The following EDIL3 variants were observed in gnomAD, a reference collection of about 807,000 sequenced individuals.
The protein encoded by EDIL3 is EGF-like repeat and discoidin I-like domain-containing protein 3.
EDIL3 carries 37 observed loss-of-function variants against 67.4 expected under a neutral mutation model. That is an observed-to-expected ratio of 0.55 (90% CI 0.42 to 0.72). The LOEUF is 0.72. Among genes scored for constraint, EDIL3 ranks in the 30% least tolerant of loss-of-function variants. The probability of loss-of-function intolerance (pLI) is 0.00; values close to 1 mark genes in which losing one functional copy is unlikely to be tolerated. For synonymous variants in EDIL3, 195 were observed against 196.3 expected, an observed-to-expected ratio of 0.99 and a Z score of 0.05; for missense variants, 527 against 586.3, an observed-to-expected ratio of 0.90 and a Z score of 1.04.
chr5:84,086,710 A>C (rs1479924242), intron 6 of EDIL3, among the ~76,000 whole-genome samples: 1 of 152,070 alleles, frequency 6.6e-6, no homozygotes, highest in Non-Finnish European at 1.5e-5. Context: ...TATTTTGCTG[A>C]CTCATATTAG....
intron 9 of EDIL3, among the ~76,000 whole-genome samples, chr5:83,977,466 T>C (rs1017904116): frequency 6.6e-6 from 1 of 151,836 alleles, no homozygotes. Flanking sequence ...AACAAAAGAA[T>C]TTGCGAAGCT....
At chr5:84,181,822 AT>A (rs573095522) in intron 3 of EDIL3, among the ~76,000 whole-genome samples, 1 of 152,284 alleles carries the variant, frequency 6.6e-6, no homozygotes, top group Non-Finnish European at 1.5e-5. Context: ...GTCTGTACTG[AT>A]TTTAATTGGA....
rs148170255 is a variant in EDIL3, at chr5:84,002,278, C to T, written c.1138-38918G>A. The stretch of plus-strand genomic sequence containing the variant: ...AATAACTGGGGATAGAAGGAACATA[C>T]CTCAACATATAATAATAAAAGCCAT... On this transcript the variant is annotated intron_variant, in intron 9 of 10. Transcript: ENST00000296591. Among the ~76,000 whole-genome samples, 354 of 151,696 alleles carry T rather than the reference C, an allele frequency of 2.3e-3. 3 individuals are homozygous for T. The highest frequency in any genetic ancestry group is 8.3e-3 in the African/African-American group (343 of 41,130).
intron 4 of EDIL3, among the ~76,000 whole-genome samples, chr5:84,139,504 A>C (rs193264863): frequency 1.3e-5 from 2 of 152,308 alleles, no homozygotes; most frequent in African/African-American, 4.8e-5. Flanking sequence ...AAATTTTGTA[A>C]GCCACATGAA....
intron 9 of EDIL3, among the ~76,000 whole-genome samples, chr5:84,029,882 T>C (rs992627150): frequency 4.6e-5 from 7 of 152,174 alleles, no homozygotes; most frequent in African/African-American, 1.7e-4. Context: ...ATAAATAAGT[T>C]TGCTAATGAT....
intron 6 of EDIL3, among the ~76,000 whole-genome samples, chr5:84,102,894 C>A (rs970097725): frequency 5.3e-5 from 8 of 151,644 alleles, no homozygotes; most frequent in Non-Finnish European, 1.0e-4. Flanking sequence ...ATAGCCAAGA[C>A]AATCCTGAAG....
intron 1 of EDIL3, among the ~76,000 whole-genome samples, chr5:84,292,535 A>G (rs1745944232): frequency 6.6e-6 from 1 of 152,208 alleles, no homozygotes; most frequent in Admixed American, 6.5e-5. Flanking sequence ...GCAATGATAC[A>G]AACTCTCAAT....
intron 2 of EDIL3, among the ~76,000 whole-genome samples, chr5:84,238,103 A>G (rs764848545): frequency 3.9e-5 from 6 of 152,122 alleles, no homozygotes; most frequent in Non-Finnish European, 5.9e-5. Flanking sequence ...ATGGTGATGA[A>G]TTTAAAGATA....
chr5:84,176,214 T>TATATATAAA (rs1554071697), intron 4 of EDIL3, among the ~76,000 whole-genome samples: 5 of 133,324 alleles, frequency 3.8e-5, no homozygotes, highest in African/African-American at 1.2e-4. Flanking sequence ...TATATATATA[T>TATATATAAA]ATATATATAT....
chr5:84,283,059 T>C (rs1745735785), intron 1 of EDIL3, among the ~76,000 whole-genome samples: 1 of 151,984 alleles, frequency 6.6e-6, no homozygotes, highest in Admixed American at 6.6e-5. Flanking sequence ...TTAACCAACG[T>C]TACTGTGAAA....
Position 84,038,381 on chromosome 5 carries a change from T to G in EDIL3, c.1137+21919A>C, listed in dbSNP as rs1342099631. ...GTCATAAATTATGGTGTGCTTGCTC[T>G]ACAAACACAGCTTAAAGGAATATGT... is the stretch of plus-strand genomic sequence containing the variant. On this transcript the variant is annotated intron_variant, in intron 9 of 10. Coordinates refer to ENST00000296591, the MANE Select transcript of EDIL3 (RefSeq NM_005711.5). Among the ~76,000 whole-genome samples, 5 of 152,248 alleles carry G rather than the reference T, an allele frequency of 3.3e-5. No homozygotes were observed. In the East Asian group the frequency reaches 9.7e-4, roughly 29 times the overall value.
Position 84,180,483 on chromosome 5 carries a change from A to G in EDIL3, c.265T>C (p.Cys89Arg). Residue 89 changes from cysteine to arginine, a missense_variant, in exon 4 of 11, where the codon TGT (cysteine) becomes CGT (arginine). Physicochemically the swap from Cys to Arg is radical, Grantham distance 180. Around this residue, in one of 2 missense-constraint regions of EDIL3, gnomAD observed 494 missense variants for 522.5 expected, o/e 0.95. Transcript: ENST00000296591. ...CCTCGGTATGCTTCACTTATTTCAC[A>G]GGTTCCTCCATTATGGCATGGATTA... ...TPNPCHNGGTCEISEAYRGDT... is the reference protein window; with the variant it reads ...TPNPCHNGGTREISEAYRGDT... 1 of 1,607,792 alleles carries G rather than the reference A, an allele frequency of 6.2e-7. No individual in the cohort carries two copies. The highest frequency in any genetic ancestry group is 2.2e-5 in the East Asian group (1 of 44,608).
intron 1 of EDIL3, among the ~76,000 whole-genome samples, chr5:84,278,959 C>T (rs1409517304): frequency 6.6e-6 from 1 of 152,084 alleles, no homozygotes; most frequent in East Asian, 1.9e-4. Flanking sequence ...TTTTCACCAC[C>T]CCCTCCCCTA....
intron 4 of EDIL3, among the ~76,000 whole-genome samples, chr5:84,144,858 A>G (rs1204018777): frequency 1.3e-5 from 2 of 151,208 alleles, no homozygotes; most frequent in Non-Finnish European, 2.9e-5. Context: ...GTCAATCTTA[A>G]TAATCAACCA....
intron 6 of EDIL3, among the ~76,000 whole-genome samples, chr5:84,088,698 G>T (rs749228396): frequency 5.9e-5 from 9 of 152,084 alleles, no homozygotes; most frequent in Non-Finnish European, 1.0e-4. Flanking sequence ...ATAGAAGCAA[G>T]AAAATGTGAC....
At chr5:84,270,553 T>C (rs1391800301) in intron 1 of EDIL3, among the ~76,000 whole-genome samples, 1 of 152,192 alleles carries the variant, frequency 6.6e-6, no homozygotes, top group African/African-American at 2.4e-5. Context: ...ACAATTCTTA[T>C]TTTCATTAAT....
intron 5 of EDIL3, among the ~76,000 whole-genome samples, chr5:84,132,562 T>TAATATATA (rs1254506831): frequency 2.0e-5 from 2 of 99,870 alleles, no homozygotes; most frequent in African/African-American, 7.8e-5. Flanking sequence ...ATTTTATATA[T>TAATATATA]TTTTAATATA....
At chr5:84,037,266 TGTG>T (rs1243377523) in intron 9 of EDIL3, among the ~76,000 whole-genome samples, 1 of 152,190 alleles carries the variant, frequency 6.6e-6, no homozygotes, top group African/African-American at 2.4e-5. Flanking sequence ...TAAATAAAGC[TGTG>T]TCCTAAAAAG....
chr5:84,021,849 T>C, intron 9 of EDIL3, among the ~76,000 whole-genome samples: 1 of 151,870 alleles, frequency 6.6e-6, no homozygotes, highest in Admixed American at 6.6e-5. Flanking sequence ...AGATTGAATT[T>C]AGAAGAAATA....
Sources: gnomAD v4.1 joint callset for allele counts (sites outside exome capture counted in the v4.1 genomes callset) on GRCh38, gnomAD v4.1.1 for gene constraint, gnomAD v4.1.1 regional missense constraint, MANE v1.5 for transcripts, NCBI Gene and HGNC (gene_info 2026-07-23, HGNC 2026-07-21) for gene names.